The following TENM3 variants were observed in gnomAD, a reference collection of about 807,000 sequenced individuals.
The protein encoded by TENM3 is teneurin-3.
A neutral mutation model predicts 255.1 loss-of-function variants in TENM3; 63 were observed. The ratio of observed to expected loss-of-function variants is 0.25; its 90% confidence interval spans 0.20 to 0.30. The LOEUF (loss-of-function observed/expected upper bound fraction) is 0.30. TENM3 is among the 10% of genes least tolerant of loss of function. The pLI is 1.00. For missense variants in TENM3, 2,929 were observed against 3,461.1 expected (o/e 0.85, Z 3.86); for synonymous variants, 1,306 against 1,322.3 (o/e 0.99, Z 0.27).
At chr4:182,324,870 G>A (rs758168698) in intron 2 of TENM3, among the ~76,000 whole-genome samples, 12 of 152,114 alleles carry the variant, frequency 7.9e-5, no homozygotes, top group Non-Finnish European at 1.6e-4. Flanking sequence ...GGTCATTCGC[G>A]TCTATCTGTT....
chr4:181,581,235 G>GT, the TENM3 span, among the ~76,000 whole-genome samples: 1 of 152,176 alleles, frequency 6.6e-6, no homozygotes, highest in East Asian at 1.9e-4. Flanking sequence ...GAGCTCAGGA[G>GT]TTTGAGACCA....
At chr4:181,558,724 A>T in the TENM3 span, among the ~76,000 whole-genome samples, 1 of 152,360 alleles carries the variant, frequency 6.6e-6, no homozygotes, top group African/African-American at 2.4e-5. Flanking sequence ...CCAAATGCAT[A>T]GAAGAGCAAA....
the TENM3 span, among the ~76,000 whole-genome samples, chr4:181,936,660 AT>A: frequency 1.3e-5 from 2 of 152,056 alleles, no homozygotes; most frequent in East Asian, 3.9e-4. Flanking sequence ...ACAAACAATA[AT>A]GGCAGTGAAA....
chr4:181,668,093 C>T, the TENM3 span, among the ~76,000 whole-genome samples: 1 of 152,152 alleles, frequency 6.6e-6, no homozygotes, highest in Non-Finnish European at 1.5e-5. Flanking sequence ...CAATGCATCC[C>T]AAGTGCCTAA....
chr4:182,623,949 T>C (rs1350639902), intron 4 of TENM3, among the ~76,000 whole-genome samples: 3 of 152,200 alleles, frequency 2.0e-5, no homozygotes, highest in African/African-American at 7.2e-5. Flanking sequence ...TCTGCGAGGC[T>C]CCCTGACTGC....
intron 1 of TENM3, among the ~76,000 whole-genome samples, chr4:182,281,210 G>C (rs1760366105): frequency 6.6e-6 from 1 of 152,118 alleles, no homozygotes; most frequent in Non-Finnish European, 1.5e-5. Flanking sequence ...GATTAAGTGT[G>C]ACAGCCTTGG....
intron 1 of TENM3, among the ~76,000 whole-genome samples, chr4:182,294,966 T>G (rs1318853769): frequency 4.7e-5 from 7 of 150,366 alleles, no homozygotes; most frequent in Non-Finnish European, 1.0e-4. Flanking sequence ...TTTTCTTATT[T>G]TTTGGTGCAT....
At chr4:181,501,302 T>C in the TENM3 span, among the ~76,000 whole-genome samples, 1 of 151,978 alleles carries the variant, frequency 6.6e-6, no homozygotes, top group East Asian at 1.9e-4. Flanking sequence ...CGATTTTTCT[T>C]GCCCTGGCTC....
At chr4:181,622,618 G>A in the TENM3 span, among the ~76,000 whole-genome samples, 5 of 152,204 alleles carry the variant, frequency 3.3e-5, no homozygotes, top group South Asian at 2.1e-4. Flanking sequence ...GGAGGTTGCA[G>A]TGAGCTGAGA....
chr4:182,514,568 A>G (rs139514069), intron 3 of TENM3, among the ~76,000 whole-genome samples: 1 of 152,312 alleles, frequency 6.6e-6, no homozygotes, highest in Non-Finnish European at 1.5e-5. Context: ...GCCCTATATG[A>G]AGATATGATT....
chr4:182,319,177 T>A (rs1156722465), intron 1 of TENM3, among the ~76,000 whole-genome samples: 1 of 152,254 alleles, frequency 6.6e-6, no homozygotes, highest in Non-Finnish European at 1.5e-5. Context: ...TAATGTCATA[T>A]TCATTAAATG....
chr4:182,631,701 G>A (rs1201654428), intron 5 of TENM3: 1 of 152,182 alleles, frequency 6.6e-6, no homozygotes, highest in Non-Finnish European at 1.5e-5. Flanking sequence ...TAACAGAAAT[G>A]CAGCCTTCCT....
At chr4:181,549,182 C>G in the TENM3 span, among the ~76,000 whole-genome samples, 1 of 152,090 alleles carries the variant, frequency 6.6e-6, no homozygotes, top group African/African-American at 2.4e-5. Flanking sequence ...CTGGCTGCCC[C>G]GCCAGAGGTC....
intron 3 of TENM3, among the ~76,000 whole-genome samples, chr4:182,586,516 CA>C (rs1465440912): frequency 6.6e-6 from 1 of 152,100 alleles, no homozygotes; most frequent in East Asian, 1.9e-4. Context: ...AACATACCCC[CA>C]AATTGTTAAT....
At chr4:181,537,345 C>A in the TENM3 span, among the ~76,000 whole-genome samples, 1 of 152,158 alleles carries the variant, frequency 6.6e-6, no homozygotes, top group African/African-American at 2.4e-5. Flanking sequence ...TTTCCTACCA[C>A]ATACACACTG....
the TENM3 span, among the ~76,000 whole-genome samples, chr4:181,865,623 G>T: frequency 6.6e-6 from 1 of 152,210 alleles, no homozygotes; most frequent in South Asian, 2.1e-4. Context: ...GACAACATTG[G>T]CAGTGACCTT....
At chr4:182,076,467 G>A in the TENM3 span, among the ~76,000 whole-genome samples, 6 of 152,114 alleles carry the variant, frequency 3.9e-5, no homozygotes, top group Middle Eastern at 3.2e-3. Context: ...CTCCCAAAGC[G>A]CTGGGATTAC....
chr4:182,139,078 T>C (rs751952499), upstream of TENM3, among the ~76,000 whole-genome samples: 5 of 152,222 alleles, frequency 3.3e-5, no homozygotes, highest in Non-Finnish European at 7.3e-5. Flanking sequence ...AGCTCCTATA[T>C]GCCAGCCCAT....
chr4:182,702,806 C>T (rs953187883), intron 12 of TENM3, among the ~76,000 whole-genome samples: 7 of 151,500 alleles, frequency 4.6e-5, no homozygotes, highest in Non-Finnish European at 1.0e-4. Context: ...GGTGCGATCT[C>T]GGCTCACTGC....
Sources: gnomAD v4.1 joint callset for allele counts (sites outside exome capture counted in the v4.1 genomes callset) on GRCh38, gnomAD v4.1.1 for gene constraint, MANE v1.5 for transcripts, NCBI Gene and HGNC (gene_info 2026-07-23, HGNC 2026-07-21) for gene names.